The following HECA variants were observed in gnomAD, a reference collection of about 807,000 sequenced individuals.
HECA encodes the protein headcase protein homolog.
HECA carries 13 observed loss-of-function variants against 37.6 expected under a neutral mutation model. The observed-to-expected ratio is 0.35, with a 90% CI of 0.23 to 0.55. HECA has a LOEUF of 0.55. Among genes scored for constraint, HECA ranks in the 20% least tolerant of loss-of-function variants. HECA has a pLI of 0.90. For missense variants in HECA, 527 were observed against 701.9 expected, an observed-to-expected ratio of 0.75 and a Z score of 2.82; for synonymous variants, 307 against 291.5, an observed-to-expected ratio of 1.05 and a Z score of -0.54.
At chr6:139,152,507 A>G (rs909087997) in intron 1 of HECA, among the ~76,000 whole-genome samples, 1 of 151,260 alleles carries the variant, frequency 6.6e-6, no homozygotes, top group Admixed American at 6.6e-5. Flanking sequence ...TTTAAATCCT[A>G]CTGTAAGCAA....
chr6:139,165,308 A>C lies in HECA; in HGVS notation c.272-976A>C, dbSNP rs144382126. 2.0e-5 allele frequency among the ~76,000 whole-genome samples: 3 copies of C among 152,306 alleles called. No homozygotes were observed. The East Asian group carries it at 5.8e-4, about 29-fold the overall frequency. ...TTAAGTTCACAGAAAAACTGGAGGTATAGAGTGTTCCCATATACCTCCTGC... is the reference window on the plus strand; with the variant it reads ...TTAAGTTCACAGAAAAACTGGAGGTCTAGAGTGTTCCCATATACCTCCTGC... On this transcript the variant is annotated intron_variant, in intron 1 of 3. Coordinates refer to ENST00000367658, the MANE Select transcript of HECA (RefSeq NM_016217.3).
chr6:139,152,639 A>C (rs896475295), intron 1 of HECA, among the ~76,000 whole-genome samples: 7 of 152,208 alleles, frequency 4.6e-5, no homozygotes, highest in Admixed American at 1.3e-4. Flanking sequence ...TAAGACAGAT[A>C]AGCTTAAGTG....
At chr6:139,152,418 A>ATGTGTGTGTGTGTGTG (rs56410451) in intron 1 of HECA, among the ~76,000 whole-genome samples, 4,408 of 147,490 alleles carry the variant, frequency 0.03, 129 homozygotes, top group African/African-American at 0.069. Context: ...GAAGCATTGG[A>ATGTGTGTGTGTGTGTG]TGTGTGTGTG....
intron 1 of HECA, chr6:139,159,215 C>A (rs369369123): frequency 1.3e-5 from 2 of 152,252 alleles, no homozygotes; most frequent in Admixed American, 1.3e-4. Flanking sequence ...TCCAGGCAGG[C>A]TGGCTCTGTG....
At chr6:139,149,722 C>G (rs1774629478) in intron 1 of HECA, among the ~76,000 whole-genome samples, 1 of 152,186 alleles carries the variant, frequency 6.6e-6, no homozygotes, top group African/African-American at 2.4e-5. Flanking sequence ...TCCTGCCGGT[C>G]TCAGGGCAAG....
intron 1 of HECA, among the ~76,000 whole-genome samples, chr6:139,157,749 A>C (rs1017099138): frequency 1.3e-5 from 2 of 152,190 alleles, no homozygotes; most frequent in Admixed American, 1.3e-4. Flanking sequence ...TTTCCCAGCT[A>C]AGAAGGCTGG....
In HECA at chr6:139,171,896, A is replaced by G. The variant is rs186683915; in HGVS notation, c.1313-2489A>G. 2.5e-4 allele frequency among the ~76,000 whole-genome samples: 38 copies of G among 150,452 alleles called. No individual in the cohort carries two copies. In the East Asian group the frequency reaches 6.7e-3, roughly 27 times the overall value. ...GCCCAGGCTGGAGTGCAATGGTGCT[A>G]TCTCGGCTCACTGCAGCCTTTGCTT... On this transcript the variant is annotated intron_variant, in intron 2 of 3. Coordinates refer to ENST00000367658, the MANE Select transcript of HECA (RefSeq NM_016217.3).
At chr6:139,140,884 A>G (rs1774504941) in intron 1 of HECA, among the ~76,000 whole-genome samples, 1 of 152,034 alleles carries the variant, frequency 6.6e-6, no homozygotes, top group Non-Finnish European at 1.5e-5. Flanking sequence ...TCCACCTCCC[A>G]GGTTCACACT....
chr6:139,147,872 G>A (rs1193872556), intron 1 of HECA, among the ~76,000 whole-genome samples: 1 of 152,142 alleles, frequency 6.6e-6, no homozygotes, highest in African/African-American at 2.4e-5. Flanking sequence ...AGGATCACTG[G>A]TTTGATACAT....
chr6:139,163,651 C>T (rs1774839560), intron 1 of HECA, among the ~76,000 whole-genome samples: 1 of 152,156 alleles, frequency 6.6e-6, no homozygotes, highest in Admixed American at 6.6e-5. Context: ...ACTGCGCTGT[C>T]CCCTGACTGC....
At chr6:139,163,349 A>G (rs977211261) in intron 1 of HECA, among the ~76,000 whole-genome samples, 6 of 73,262 alleles carry the variant, frequency 8.2e-5, no homozygotes, top group Non-Finnish European at 1.6e-4. Context: ...GCAGTTCTCC[A>G]TTCTTTTTTT....
chr6:139,164,332 T>G (rs7748603), intron 1 of HECA, among the ~76,000 whole-genome samples: 129,389 of 151,722 alleles, frequency 0.85, 56,064 homozygotes, highest in African/African-American at 0.96. Context: ...GAGTAGTATT[T>G]CCCTCCAAAG....
Position 139,149,504 on chromosome 6 carries a change from C to T in HECA, c.271+13837C>T, listed in dbSNP as rs141105501. On this transcript the variant is annotated intron_variant, in intron 1 of 3. Transcript: ENST00000367658. ...CTGTTTGTAATGTGGTGCAGTGTGG[C>T]TGCTTCCCAACCAGTGATGAATGCA... 1.6e-3 allele frequency among the ~76,000 whole-genome samples: 242 copies of T among 152,288 alleles called. 2 individuals carry two copies. The highest frequency in any genetic ancestry group is 5.7e-3 in the African/African-American group (238 of 41,560).
intron 2 of HECA, among the ~76,000 whole-genome samples, chr6:139,168,308 A>G (rs1221375613): frequency 6.6e-6 from 1 of 152,062 alleles, no homozygotes; most frequent in Admixed American, 6.6e-5. Flanking sequence ...ACTAATGTGA[A>G]TATATATATT....
chr6:139,151,774 G>A (rs994421814), intron 1 of HECA, among the ~76,000 whole-genome samples: 2 of 152,126 alleles, frequency 1.3e-5, no homozygotes, highest in African/African-American at 4.8e-5. Context: ...ATTAATATGA[G>A]GATTGAACAT....
At chr6:139,146,321 A>T (rs956940506) in intron 1 of HECA, among the ~76,000 whole-genome samples, 3 of 152,222 alleles carry the variant, frequency 2.0e-5, no homozygotes, top group Non-Finnish European at 4.4e-5. Flanking sequence ...AGGTTTGATT[A>T]TACTTTAGAT....
chr6:139,175,826 C>T (rs1775044807), intron 3 of HECA, among the ~76,000 whole-genome samples: 1 of 152,144 alleles, frequency 6.6e-6, no homozygotes, highest in Admixed American at 6.5e-5. Context: ...CCTGCCACAC[C>T]CAGCCTCTTG....
chr6:139,161,355 AAAC>A (rs1256602759), intron 1 of HECA, among the ~76,000 whole-genome samples: 1 of 152,072 alleles, frequency 6.6e-6, no homozygotes, highest in Middle Eastern at 3.2e-3. Flanking sequence ...GGCTGACTAT[AAAC>A]AAGCAGGGCT....
intron 1 of HECA, among the ~76,000 whole-genome samples, chr6:139,140,453 T>A (rs1470498568): frequency 6.6e-6 from 1 of 152,194 alleles, no homozygotes; most frequent in Non-Finnish European, 1.5e-5. Flanking sequence ...TCCTGTACAC[T>A]TCGTGTATTA....
Sources: gnomAD v4.1 joint callset for allele counts (sites outside exome capture counted in the v4.1 genomes callset) on GRCh38, gnomAD v4.1.1 for gene constraint, MANE v1.5 for transcripts, NCBI Gene and HGNC (gene_info 2026-07-23, HGNC 2026-07-21) for gene names.